RGS7: variants seen among roughly 807,000 people sequenced by gnomAD.
RGS7 encodes the protein regulator of G-protein signaling 7.
A neutral mutation model predicts 81.1 loss-of-function variants in RGS7; 27 were observed. The ratio of observed to expected loss-of-function variants is 0.33; its 90% CI spans 0.25 to 0.46. The LOEUF (loss-of-function observed/expected upper bound fraction) is 0.46. Ranked by LOEUF, RGS7 falls within the 20% of genes least tolerant of loss-of-function variation. RGS7 has a pLI of 1.00. For synonymous variants in RGS7, 208 were observed against 207.7 expected (o/e 1.00, Z -0.01); for missense variants, 396 against 607.4 (o/e 0.65, Z 3.66).
rs562243671 is a variant in RGS7, at chr1:241,253,081, T to C, written c.78+102618A>G. On this transcript the variant is annotated intron_variant, in intron 2 of 18. Coordinates refer to ENST00000440928, the MANE Select transcript of RGS7 (RefSeq NM_001364886.1). ...TCTTCCTAGTCTGAGCAGCCACATA[T>C]CAACTATCAAGAAGGTTTCTACCCT... Among the ~76,000 whole-genome samples the C allele has an allele frequency of 3.3e-5, 5 of 152,340 alleles. No individual in the cohort carries two copies. The South Asian group carries it at 1.0e-3, about 32-fold the overall frequency.
At chr1:241,102,150 T>C (rs951178247) in intron 2 of RGS7, among the ~76,000 whole-genome samples, 1 of 152,188 alleles carries the variant, frequency 6.6e-6, no homozygotes, top group Admixed American at 6.6e-5. Context: ...TATCCAGACA[T>C]AATTTATCCG....
At chr1:241,090,031 ACT>A (rs1204878648) in intron 3 of RGS7, among the ~76,000 whole-genome samples, 1 of 151,508 alleles carries the variant, frequency 6.6e-6, no homozygotes, top group Non-Finnish European at 1.5e-5. Flanking sequence ...GAACAGGAAA[ACT>A]TTTTTTCTTC....
At chr1:241,238,225 A>C (rs973089986) in intron 2 of RGS7, among the ~76,000 whole-genome samples, 2 of 152,172 alleles carry the variant, frequency 1.3e-5, no homozygotes, top group African/African-American at 4.8e-5. Flanking sequence ...TATACTGGGC[A>C]TGTGTGTGTG....
chr1:240,918,331 A>G (rs1458348423), intron 6 of RGS7, among the ~76,000 whole-genome samples: 2 of 152,208 alleles, frequency 1.3e-5, no homozygotes, highest in African/African-American at 2.4e-5. Flanking sequence ...GACATGCACC[A>G]AGATAGACCA....
intron 3 of RGS7, among the ~76,000 whole-genome samples, chr1:240,989,312 T>C (rs1458696519): frequency 2.0e-5 from 3 of 151,478 alleles, no homozygotes; most frequent in African/African-American, 7.3e-5. Context: ...TGATGTTGCG[T>C]GCCTGTAATC....
chr1:240,826,062 G>A (rs1395866215), intron 10 of RGS7, among the ~76,000 whole-genome samples: 5 of 152,190 alleles, frequency 3.3e-5, no homozygotes, highest in Non-Finnish European at 5.9e-5. Context: ...CCCTCAGGAT[G>A]TGCTGTGAGC....
chr1:241,130,344 T>TA (rs535450158), intron 2 of RGS7, among the ~76,000 whole-genome samples: 11,386 of 144,006 alleles, frequency 0.079, 1,328 homozygotes, highest in African/African-American at 0.26. Flanking sequence ...TAACATAAAT[T>TA]AAAAAAAAAA....
intron 18 of RGS7, among the ~76,000 whole-genome samples, chr1:240,795,928 G>A (rs1014659702): frequency 6.6e-5 from 10 of 152,082 alleles, no homozygotes; most frequent in Non-Finnish European, 2.9e-5. Flanking sequence ...CAGTTTAAAT[G>A]ATTTTTTCTT....
At chr1:241,272,255 A>ATGG (rs1366724443) in intron 2 of RGS7, among the ~76,000 whole-genome samples, 64 of 152,112 alleles carry the variant, frequency 4.2e-4, no homozygotes, top group Non-Finnish European at 7.9e-4. Flanking sequence ...GGCCTCCCAA[A>ATGG]GTGCTGGGAT....
At position 241,069,013 on chromosome 1, in the gene RGS7, G is replaced by C. The variant is rs112555731; in HGVS notation, c.175+29653C>G. The stretch of plus-strand genomic sequence containing the variant: ...ACCTGTGTGTGTCTGTTCCCCTTTT[G>C]CCTTCTGCCATGACTGGAAGCTCCC... On this transcript the variant is annotated intron_variant, in intron 3 of 18. Coordinates refer to ENST00000440928, the MANE Select transcript of RGS7 (RefSeq NM_001364886.1). Among the ~76,000 whole-genome samples, 236 of 152,098 alleles carry C rather than the reference G, an allele frequency of 1.6e-3. 1 individual carries two copies. Among genetic ancestry groups the C allele is most frequent in the African/African-American group, 5.4e-3 (224 of 41,480 alleles).
intron 3 of RGS7, among the ~76,000 whole-genome samples, chr1:241,070,569 C>T (rs946579975): frequency 6.6e-6 from 1 of 152,290 alleles, no homozygotes; most frequent in Admixed American, 6.5e-5. Context: ...ATAGAAAGAG[C>T]TTCTTGAGGC....
At chr1:241,182,637 G>A (rs911034254) in intron 2 of RGS7, among the ~76,000 whole-genome samples, 4 of 148,686 alleles carry the variant, frequency 2.7e-5, no homozygotes, top group African/African-American at 9.8e-5. Flanking sequence ...TTCCTAACCC[G>A]GCATCTCACG....
chr1:240,862,774 T>C (rs1662451246), intron 9 of RGS7, among the ~76,000 whole-genome samples: 1 of 152,240 alleles, frequency 6.6e-6, no homozygotes, highest in Non-Finnish European at 1.5e-5. Context: ...ATTTAAGCTT[T>C]TTATTCTAAT....
intron 2 of RGS7, among the ~76,000 whole-genome samples, chr1:241,174,675 C>A (rs1050622839): frequency 2.0e-5 from 3 of 152,100 alleles, no homozygotes; most frequent in Admixed American, 6.5e-5. Context: ...AGAACACACC[C>A]CAACACTGGG....
At chr1:240,942,309 G>A (rs1282813077) in intron 4 of RGS7, among the ~76,000 whole-genome samples, 1 of 152,134 alleles carries the variant, frequency 6.6e-6, no homozygotes, top group Non-Finnish European at 1.5e-5. Context: ...TATAAAAGAG[G>A]CTTGAGTACT....
chr1:240,857,129 T>G (rs1661284361), intron 9 of RGS7, among the ~76,000 whole-genome samples: 1 of 152,238 alleles, frequency 6.6e-6, no homozygotes, highest in Admixed American at 6.5e-5. Flanking sequence ...TTTGTTCTTG[T>G]GGTCGGATAT....
chr1:241,219,224 T>C (rs1045989862), intron 2 of RGS7, among the ~76,000 whole-genome samples: 1 of 152,152 alleles, frequency 6.6e-6, no homozygotes, highest in Non-Finnish European at 1.5e-5. Context: ...GGGAGGTAAC[T>C]GAATCATGAG....
At chr1:240,917,226 C>A (rs1171404324) in intron 6 of RGS7, among the ~76,000 whole-genome samples, 1 of 151,970 alleles carries the variant, frequency 6.6e-6, no homozygotes, top group East Asian at 1.9e-4. Context: ...AATTTGTTGA[C>A]AAAAGACCTG....
intron 9 of RGS7, among the ~76,000 whole-genome samples, chr1:240,862,787 G>T (rs1261488921): frequency 6.6e-6 from 1 of 152,082 alleles, no homozygotes; most frequent in Non-Finnish European, 1.5e-5. Context: ...ATTCTAATGG[G>T]AATATCAATC....
Sources: allele counts gnomAD v4.1 joint callset (sites outside exome capture counted in the v4.1 genomes callset), GRCh38; gene constraint gnomAD v4.1.1; transcripts MANE v1.5; gene names NCBI Gene and HGNC (gene_info 2026-07-23, HGNC 2026-07-21).